Variants in RALGPS2 observed in about 807,000 individuals in gnomAD.
RALGPS2 encodes Ral GEF with PH domain and SH3 binding motif 2.
RALGPS2 carries 43 observed loss-of-function variants against 86.8 expected under a neutral mutation model. The ratio of observed to expected loss-of-function variants is 0.50; its 90% CI spans 0.39 to 0.64. The LOEUF (loss-of-function observed/expected upper bound fraction) is 0.64, where lower values mean the gene tolerates loss of function less well. Ranked by LOEUF, RALGPS2 falls within the 30% of genes least tolerant of loss-of-function variation. The probability of loss-of-function intolerance (pLI) is 0.00; values close to 1 mark genes in which losing one functional copy is unlikely to be tolerated. For synonymous variants in RALGPS2, 243 were observed against 231.3 expected (o/e 1.05, Z -0.46); for missense variants, 536 against 694.6 (o/e 0.77, Z 2.57).
At chr1:178,896,861 T>C (rs1353554525) in intron 16 of RALGPS2, among the ~76,000 whole-genome samples, 2 of 150,412 alleles carry the variant, frequency 1.3e-5, no homozygotes, top group Non-Finnish European at 2.9e-5. Context: ...CAGTCTATCA[T>C]TGTTGGACAT....
At chr1:178,854,303 A>G (rs1657385051) in intron 8 of RALGPS2, among the ~76,000 whole-genome samples, 2 of 152,312 alleles carry the variant, frequency 1.3e-5, no homozygotes, top group South Asian at 4.1e-4. Context: ...CCCAAGTTAC[A>G]GTTTTGGAAA....
chr1:178,889,738 G>T (rs1659642148), intron 14 of RALGPS2, 42 bp downstream of exon 14: 1 of 1,421,406 alleles, frequency 7.0e-7, no homozygotes, highest in Non-Finnish European at 9.9e-7. Context: ...AGTTTATTTT[G>T]TCTGGGTTAA....
At chr1:178,750,789 A>G (rs941013585) in intron 1 of RALGPS2, among the ~76,000 whole-genome samples, 2 of 152,160 alleles carry the variant, frequency 1.3e-5, no homozygotes, top group African/African-American at 4.8e-5. Context: ...TACCTTTCTA[A>G]AATAAAAGTA....
chr1:178,911,219 C>T (rs1046884109), intron 19 of RALGPS2, among the ~76,000 whole-genome samples: 2 of 151,980 alleles, frequency 1.3e-5, no homozygotes, highest in Non-Finnish European at 2.9e-5. Flanking sequence ...TGGTTCATTG[C>T]TTTTTTGTAT....
At chr1:178,781,011 G>GTT (rs1004699740) in intron 2 of RALGPS2, among the ~76,000 whole-genome samples, 4 of 150,818 alleles carry the variant, frequency 2.7e-5, no homozygotes, top group Non-Finnish European at 4.4e-5. Flanking sequence ...TCTTGAATAT[G>GTT]TTATATATAT....
intron 4 of RALGPS2, among the ~76,000 whole-genome samples, chr1:178,793,598 T>C (rs1317518984): frequency 6.6e-6 from 1 of 152,002 alleles, no homozygotes; most frequent in African/African-American, 2.4e-5. Flanking sequence ...CACGTACAGA[T>C]TGGGGTCTGT....
chr1:178,775,957 A>G (rs1294690741), intron 1 of RALGPS2, among the ~76,000 whole-genome samples: 1 of 151,332 alleles, frequency 6.6e-6, no homozygotes, highest in Non-Finnish European at 1.5e-5. Context: ...ATCTGTACTG[A>G]ACATGTACAG....
chr1:178,840,979 A>C (rs1003029737), intron 8 of RALGPS2, among the ~76,000 whole-genome samples: 6 of 152,198 alleles, frequency 3.9e-5, no homozygotes, highest in African/African-American at 1.4e-4. Context: ...ATAGACCAAT[A>C]ACAGGCTCTG....
Position 178,916,745 on chromosome 1 carries a change from A to C in RALGPS2, c.*386A>C, listed in dbSNP as rs139247816. ...ACTTTGTAATAATTTTAGAGGGGGG[A>C]ATTGCCTTTTTTAGATATGCTTTAA... On this transcript the variant is annotated 3_prime_UTR_variant, in exon 20 of 20. Transcript: ENST00000367635. The C allele has an allele frequency of 5.1e-3, 945 of 184,138 alleles. 10 individuals are homozygous for C. The highest frequency in any genetic ancestry group is 0.021 in the African/African-American group (903 of 42,956). 11.4% of individuals were successfully genotyped at this position (184,138 alleles called of 1,614,324 possible).
intron 1 of RALGPS2, among the ~76,000 whole-genome samples, chr1:178,740,359 T>G (rs1650949611): frequency 6.6e-6 from 1 of 152,226 alleles, no homozygotes; most frequent in African/African-American, 2.4e-5. Flanking sequence ...TAAAACTGTA[T>G]TGCAGTGGAT....
intron 1 of RALGPS2, among the ~76,000 whole-genome samples, chr1:178,758,369 C>T (rs1049457695): frequency 2.6e-5 from 4 of 151,998 alleles, no homozygotes; most frequent in African/African-American, 9.7e-5. Flanking sequence ...TTATTCATCC[C>T]CTCAAGCATT....
chr1:178,865,055 C>T (rs1658294012), intron 8 of RALGPS2: 1 of 1,513,736 alleles, frequency 6.6e-7, no homozygotes, highest in Non-Finnish European at 8.8e-7. Context: ...ACCTGGATCC[C>T]TCTGAATCTC....
intron 16 of RALGPS2, 152 bp downstream of exon 16, chr1:178,894,176 A>T (rs1659839684): frequency 3.9e-6 from 2 of 513,234 alleles, no homozygotes; most frequent in Middle Eastern, 5.4e-4. Context: ...TCCTTGGGTC[A>T]TCCATTCCAA....
chr1:178,897,723 T>C lies in RALGPS2; in HGVS notation c.1491T>C (p.Ala497=). The C allele has an allele frequency of 6.2e-7, 1 of 1,612,604 alleles. No homozygotes were observed. The highest frequency in any genetic ancestry group is 8.5e-7 in the Non-Finnish European group (1 of 1,179,048). The stretch of plus-strand genomic sequence containing the variant: ...GTGGGACACAGCTTTTTTACTATGC[T>C]GCCAAATCTCTAAAGGCTACCGAAA... ...ALCGTQLFYY[A]AKSLKATERK... Residue 497 remains alanine, a synonymous_variant, in exon 17 of 20, where the codon GCT becomes GCC. Transcript: ENST00000367635.
intron 1 of RALGPS2, among the ~76,000 whole-genome samples, chr1:178,756,234 A>G (rs1251784119): frequency 3.3e-5 from 5 of 152,242 alleles, no homozygotes; most frequent in Non-Finnish European, 5.9e-5. Context: ...GTTATTTCCC[A>G]AGGCACATGT....
At chr1:178,881,829 A>T (rs1290796571) in intron 10 of RALGPS2, among the ~76,000 whole-genome samples, 2 of 152,288 alleles carry the variant, frequency 1.3e-5, no homozygotes, top group East Asian at 1.9e-4. Context: ...GCATTTTAAG[A>T]TGTCATTAAA....
Position 178,776,663 on chromosome 1 carries a change from C to CTTTTT in RALGPS2, c.-83-9_-83-5dup. ...AACTTCGAGGAAGACATTTGCTTAA[C>CTTTTT]TTTTTTTTTTTTTTACAGGAATAAT... On this transcript the variant is annotated intron_variant, in intron 1 of 19. Coordinates refer to ENST00000367635, the MANE Select transcript of RALGPS2 (RefSeq NM_152663.5). 3.2e-6 allele frequency: 2 copies of CTTTTT among 628,194 alleles called. No individual in the cohort carries two copies. Among genetic ancestry groups the CTTTTT allele is most frequent in the Non-Finnish European group, 4.9e-6 (2 of 407,606 alleles). 38.9% of individuals were successfully genotyped at this position (628,194 alleles called of 1,614,324 possible).
intron 1 of RALGPS2, among the ~76,000 whole-genome samples, chr1:178,742,374 A>G (rs1388023221): frequency 6.6e-6 from 1 of 152,218 alleles, no homozygotes; most frequent in East Asian, 1.9e-4. Flanking sequence ...ATGTCATTAC[A>G]AAATGATAAA....
chr1:178,791,753 C>T (rs139448717), intron 4 of RALGPS2, among the ~76,000 whole-genome samples: 3 of 152,224 alleles, frequency 2.0e-5, no homozygotes, highest in African/African-American at 4.8e-5. Context: ...TTTAGCTAAA[C>T]GTGTTCTACC....
Sources: allele counts gnomAD v4.1 joint callset (sites outside exome capture counted in the v4.1 genomes callset), GRCh38; gene constraint gnomAD v4.1.1; transcripts MANE v1.5; gene names NCBI Gene and HGNC (gene_info 2026-07-23, HGNC 2026-07-21).